The following STAT1 variants were observed in gnomAD, a reference collection of about 807,000 sequenced individuals.
STAT1 encodes the protein signal transducer and activator of transcription 1-alpha/beta.
Under a neutral mutation model 111.7 loss-of-function variants are expected in STAT1, and 24 were observed. The observed-to-expected ratio is 0.21, with a 90% confidence interval of 0.16 to 0.30. The LOEUF (loss-of-function observed/expected upper bound fraction) is 0.30, where lower values mean the gene tolerates loss of function less well. STAT1 is among the 10% of genes least tolerant of loss of function. The pLI, the probability that STAT1 is intolerant of heterozygous loss-of-function variation, is 1.00. For synonymous variants in STAT1, 332 were observed against 326.5 expected (o/e 1.02, Z -0.18); for missense variants, 351 against 911.9 (o/e 0.38, Z 7.92).
In STAT1 at chr2:190,993,313, A is replaced by T; in HGVS notation, c.944+1748T>A. ...TCACATCATACACCACTAGGATGCC[A>T]TTGGCTCCTCTGTAATAACTGGAGA... On this transcript the variant is annotated intron_variant, in intron 10 of 24. Transcript: ENST00000361099. The surrounding 1 kb of genome is among the most constrained non-coding windows in gnomAD (Gnocchi z 4.1). 1 of 726,532 alleles carries T rather than the reference A, an allele frequency of 1.4e-6. No homozygotes were observed. The highest frequency in any genetic ancestry group is 1.7e-5 in the African/African-American group (1 of 57,330). 45.0% of individuals were successfully genotyped at this position (726,532 alleles called of 1,614,324 possible).
In STAT1 at chr2:190,984,542, T is replaced by C; in HGVS notation, c.1264-149A>G. The C allele has an allele frequency of 1.4e-6, 1 of 697,270 alleles. No homozygotes were observed. The highest frequency in any genetic ancestry group is 2.6e-6 in the Non-Finnish European group (1 of 389,704). 43.2% of individuals were successfully genotyped at this position (697,270 alleles called of 1,614,324 possible). Reference sequence around the variant, plus strand: ...GACTCAATATTCAATCTCTCCCAGATTTAATGATTCTTAGTATCTCAGTGT... The same window carrying C: ...GACTCAATATTCAATCTCTCCCAGACTTAATGATTCTTAGTATCTCAGTGT... On this transcript the variant is annotated intron_variant, in intron 15 of 24. Coordinates refer to ENST00000361099, the MANE Select transcript of STAT1 (RefSeq NM_007315.4). The surrounding 1 kb of genome is among the most constrained non-coding windows in gnomAD (Gnocchi z 5.2).
chr2:190,985,863 C>T (rs1692766649), intron 14 of STAT1, among the ~76,000 whole-genome samples: 2 of 152,190 alleles, frequency 1.3e-5, no homozygotes, highest in African/African-American at 4.8e-5. Context: ...GGTGCGGACA[C>T]CAGTCTGGAG....
chr2:190,998,609 C>A lies in STAT1; in HGVS notation c.542-301G>T, dbSNP rs1694021208. On this transcript the variant is annotated intron_variant, in intron 7 of 24. Coordinates refer to ENST00000361099, the MANE Select transcript of STAT1 (RefSeq NM_007315.4). The surrounding 1 kb of genome is among the most constrained non-coding windows in gnomAD (Gnocchi z 4.1). ...CCCGGGAGGCGGAGCTTGGAGTGAG[C>A]CGAGATCTCGCCACTGCACTCTAGC... 6.6e-6 allele frequency among the ~76,000 whole-genome samples: 1 copy of A among 151,424 alleles called. No individual in the cohort carries two copies. The highest frequency in any genetic ancestry group is 1.5e-5 in the Non-Finnish European group (1 of 67,892).
chr2:190,980,659 G>A lies in STAT1; in HGVS notation c.1593C>T (p.Ala531=). 1 of 1,614,200 alleles carries A rather than the reference G, an allele frequency of 6.2e-7. No homozygotes were observed. Among genetic ancestry groups the A allele is most frequent in the Non-Finnish European group, 8.5e-7 (1 of 1,180,036 alleles). ...MLGEKLLGPN[A]SPDGLIPWTR... ...TCCACGGAATGAGACCATCGGGGCT[G>A]GCGTTAGGACCTAAACAAATAAAAA... The change falls in exon 19 of 25, where the codon GCC becomes GCT. Residue 531 remains alanine, a synonymous_variant. Transcript: ENST00000361099. This position sits in a 1 kb window ranked among gnomAD's most constrained non-coding sequence, Gnocchi z 6.1.
chr2:191,007,826 C>G lies in STAT1; in HGVS notation c.274-165G>C, dbSNP rs145998939. 3.0e-3 allele frequency among the ~76,000 whole-genome samples: 451 copies of G among 152,236 alleles called. 2 individuals carry two copies. The highest frequency in any genetic ancestry group is 9.6e-3 in the African/African-American group (398 of 41,528). On this transcript the variant is annotated intron_variant, in intron 4 of 24. Coordinates refer to ENST00000361099, the MANE Select transcript of STAT1 (RefSeq NM_007315.4). This position sits in a 1 kb window ranked among gnomAD's most constrained non-coding sequence, Gnocchi z 4.2. ...TGTTAAAATCAAAATATTTCTTTCA[C>G]GAATTATGACAAAAATTGCTTTAAC...
At position 191,006,225 on chromosome 2, in the gene STAT1, G is replaced by T. The variant is rs187006906; in HGVS notation, c.372+1338C>A. Among the ~76,000 whole-genome samples, 5 of 152,166 alleles carry T rather than the reference G, an allele frequency of 3.3e-5. No homozygotes were observed. Among genetic ancestry groups the T allele is most frequent in the Non-Finnish European group, 5.9e-5 (4 of 68,034 alleles). On this transcript the variant is annotated intron_variant, in intron 5 of 24. Coordinates refer to ENST00000361099, the MANE Select transcript of STAT1 (RefSeq NM_007315.4). This position sits in a 1 kb window ranked among gnomAD's most constrained non-coding sequence, Gnocchi z 4.6. ...GAAGCCCCATATAATCAAAACTGCC[G>T]GCTGAAAATCTCCCAGGTATATGCC...
chr2:191,007,477 T>G lies in STAT1; in HGVS notation c.372+86A>C. The G allele has an allele frequency of 1.0e-6, 1 of 983,450 alleles. No homozygotes were observed. Among genetic ancestry groups the G allele is most frequent in the Non-Finnish European group, 1.6e-6 (1 of 625,740 alleles). The allele number at this position is 983,450 out of a possible 1,614,324, so 60.9% of individuals were successfully genotyped here. A position where few individuals can be genotyped will look rare whatever the true frequency, so the allele number is the denominator to read the frequency against. On this transcript the variant is annotated intron_variant, in intron 5 of 24. Coordinates refer to ENST00000361099, the MANE Select transcript of STAT1 (RefSeq NM_007315.4). The surrounding 1 kb of genome is among the most constrained non-coding windows in gnomAD (Gnocchi z 4.2). ...ATAAAATTAGAGAGATATTCATCAT[T>G]GCTTTGACATGGGCCCTAATAGTAT...
Position 190,974,646 on chromosome 2 carries a change from T to C in STAT1, c.2238+184A>G, listed in dbSNP as rs942224395. Among the ~76,000 whole-genome samples the C allele has an allele frequency of 1.3e-5, 2 of 152,228 alleles. No homozygotes were observed. The highest frequency in any genetic ancestry group is 4.8e-5 in the African/African-American group (2 of 41,458). On this transcript the variant is annotated intron_variant, in intron 24 of 24. Coordinates refer to ENST00000361099, the MANE Select transcript of STAT1 (RefSeq NM_007315.4). The surrounding 1 kb of genome is among the most constrained non-coding windows in gnomAD (Gnocchi z 4.8). ...TGAATGCGAGGAATAAAAATCCCAC[T>C]GATGATGTAGGTGGTTTAAATCCAG...
At chr2:191,001,998 A>T (rs1295317713) in intron 5 of STAT1, among the ~76,000 whole-genome samples, 1 of 152,236 alleles carries the variant, frequency 6.6e-6, no homozygotes, top group East Asian at 1.9e-4. Context: ...TGCCCTATAC[A>T]GCACAGATTC....
Position 190,979,675 on chromosome 2 carries a change from C to A in STAT1, c.1727+97G>T, listed in dbSNP as rs1010683161. 2.0e-6 allele frequency: 2 copies of A among 976,238 alleles called. No individual in the cohort carries two copies. The highest frequency in any genetic ancestry group is 1.6e-5 in the African/African-American group (1 of 62,302). The allele number at this position is 976,238 out of a possible 1,614,324, so 60.5% of individuals were successfully genotyped here. ...TAAATGCGCACTCCTGTGAGATTCA[C>A]ACACGCCTAGTCAAATACTGAAGCT... On this transcript the variant is annotated intron_variant, in intron 20 of 24. Transcript: ENST00000361099. This position sits in a 1 kb window ranked among gnomAD's most constrained non-coding sequence, Gnocchi z 5.8.
rs1022432558 is a variant in STAT1 at position 190,989,805 on chromosome 2, T to A, written c.1038-131A>T. 3.1e-6 allele frequency: 2 copies of A among 655,232 alleles called. No homozygotes were observed. Among genetic ancestry groups the A allele is most frequent in the Non-Finnish European group, 5.4e-6 (2 of 373,438 alleles). 40.6% of individuals were successfully genotyped at this position (655,232 alleles called of 1,614,324 possible). On this transcript the variant is annotated intron_variant, in intron 11 of 24. Transcript: ENST00000361099. The surrounding 1 kb of genome is among the most constrained non-coding windows in gnomAD (Gnocchi z 5.0). ...TTTAGGGTATTACCAACAAAAAAAC[T>A]GACAGTTTTGTAGATCTACTTAAAT...
At chr2:190,985,155 T>C (rs1321063636) in intron 15 of STAT1, among the ~76,000 whole-genome samples, 1 of 152,218 alleles carries the variant, frequency 6.6e-6, no homozygotes, top group Non-Finnish European at 1.5e-5. Flanking sequence ...ACCCAACTCC[T>C]TAAGGATCAC....
At chr2:191,005,521 G>A (rs1342241140) in intron 5 of STAT1, among the ~76,000 whole-genome samples, 4 of 152,134 alleles carry the variant, frequency 2.6e-5, no homozygotes, top group Non-Finnish European at 2.9e-5. Flanking sequence ...TGCCCATAGC[G>A]TTCAGTACAA....
In STAT1 at chr2:190,982,457, C is replaced by T. The variant is rs1185249247; in HGVS notation, c.1508G>A (p.Ser503Asn). The T allele has an allele frequency of 1.2e-6, 2 of 1,614,118 alleles. No homozygotes were observed. Among genetic ancestry groups the T allele is most frequent in the Non-Finnish European group, 1.7e-6 (2 of 1,180,058 alleles). Residue 503 changes from serine to asparagine, a missense_variant, in exon 18 of 25, where the codon AGT becomes AAT. Around this residue, in one of 7 missense-constraint regions of STAT1, gnomAD observed 181 missense variants for 426.1 expected, o/e 0.42. Transcript: ENST00000361099. This position sits in a 1 kb window ranked among gnomAD's most constrained non-coding sequence, Gnocchi z 7.3. ...TTTGGTGACAGAAGAAAACTGCCAA[C>T]TCAGCACTTCTGAAAGCTGAGCCCA... ...ARWAQLSEVLSWQFSSVTKRG... is the reference protein window; with the variant it reads ...ARWAQLSEVLNWQFSSVTKRG...
chr2:190,976,011 A>C lies in STAT1; in HGVS notation c.2060-124T>G. On this transcript the variant is annotated intron_variant, in intron 22 of 24. Transcript: ENST00000361099. This position sits in a 1 kb window ranked among gnomAD's most constrained non-coding sequence, Gnocchi z 6.0. Reference sequence around the variant, plus strand: ...GACAGCTTAGCCTCCTAAAACTTTAAGGAGCTATAACCTCCCTGCCTGAGT... The same window carrying C: ...GACAGCTTAGCCTCCTAAAACTTTACGGAGCTATAACCTCCCTGCCTGAGT... 7.0e-6 allele frequency: 6 copies of C among 856,034 alleles called. No individual in the cohort carries two copies. Among genetic ancestry groups the C allele is most frequent in the Non-Finnish European group, 1.2e-5 (6 of 519,494 alleles). The allele number at this position is 856,034 out of a possible 1,614,324, so 53.0% of individuals were successfully genotyped here. A position where few individuals can be genotyped will look rare whatever the true frequency, so the allele number is the denominator to read the frequency against.
At position 190,989,580 on chromosome 2, in the gene STAT1, T is replaced by TACATGTATGTTATATATGTATATATA. The variant is rs777552339; in HGVS notation, c.1097+34_1097+35insTATATATACATATATAACATACATGT. 8.0e-7 allele frequency: 1 copy of TACATGTATGTTATATATGTATATATA among 1,244,588 alleles called. No individual in the cohort carries two copies. Among genetic ancestry groups the TACATGTATGTTATATATGTATATATA allele is most frequent in the African/African-American group, 1.5e-5 (1 of 66,296 alleles). 77.1% of individuals were successfully genotyped at this position (1,244,588 alleles called of 1,614,324 possible). A position where few individuals can be genotyped will look rare whatever the true frequency, so the allele number is the denominator to read the frequency against. On this transcript the variant is annotated intron_variant, in intron 12 of 24. Transcript: ENST00000361099. The surrounding 1 kb of genome is among the most constrained non-coding windows in gnomAD (Gnocchi z 5.0). ...AGTAACAAAATCAACATTTCAATAG[T>TACATGTATGTTATATATGTATATATA]ACATGTATGTTATATAATGTTAAAG...
Position 190,970,763 on chromosome 2 carries a change from GA to G in STAT1, c.2239-47del, listed in dbSNP as rs1691392398. 6.4e-7 allele frequency: 1 copy of G among 1,563,368 alleles called. No individual in the cohort carries two copies. Among genetic ancestry groups the G allele is most frequent in the African/African-American group, 1.4e-5 (1 of 73,764 alleles). ...GTTAAGTTTATTACACTGATCTTGTGAAATGCAGACTCATACATTAAACATT... is the reference window on the plus strand; with the variant it reads ...GTTAAGTTTATTACACTGATCTTGTGAATGCAGACTCATACATTAAACATT... On this transcript the variant is annotated intron_variant, in intron 24 of 24. Coordinates refer to ENST00000361099, the MANE Select transcript of STAT1 (RefSeq NM_007315.4). This position sits in a 1 kb window ranked among gnomAD's most constrained non-coding sequence, Gnocchi z 5.4.
rs1692512972 is a variant in STAT1, at chr2:190,983,111, C to T, written c.1446+531G>A. On this transcript the variant is annotated intron_variant, in intron 17 of 24. Coordinates refer to ENST00000361099, the MANE Select transcript of STAT1 (RefSeq NM_007315.4). This position sits in a 1 kb window ranked among gnomAD's most constrained non-coding sequence, Gnocchi z 5.7. ...AGCTATAGGTGTAATGTTAATGCCT[C>T]AACAAGTGTATTAGATAAGGTGTCT... is the stretch of plus-strand genomic sequence containing the variant. 6.6e-6 allele frequency among the ~76,000 whole-genome samples: 1 copy of T among 152,144 alleles called. No individual in the cohort carries two copies. Among genetic ancestry groups the T allele is most frequent in the African/African-American group, 2.4e-5 (1 of 41,420 alleles).
rs41504449 is a variant in STAT1, at chr2:191,001,187, T to C, written c.373-24A>G. Reference sequence around the variant, plus strand: ...GCCTGTAATGGGAAGGGCATGATTATAGCCATCGTTTTCTTCAGGGTGTGT... The same window carrying C: ...GCCTGTAATGGGAAGGGCATGATTACAGCCATCGTTTTCTTCAGGGTGTGT... On this transcript the variant is annotated intron_variant, in intron 5 of 24. Coordinates refer to ENST00000361099, the MANE Select transcript of STAT1 (RefSeq NM_007315.4). 1,003 of 1,587,498 alleles carry C rather than the reference T, an allele frequency of 6.3e-4. 9 individuals carry two copies. In the African/African-American group the frequency reaches 0.012, roughly 18 times the overall value.
Sources: allele counts gnomAD v4.1 joint callset (sites outside exome capture counted in the v4.1 genomes callset), GRCh38; gene constraint gnomAD v4.1.1; regional missense constraint gnomAD v4.1.1; non-coding constraint Gnocchi (gnomAD v3.1); transcripts MANE v1.5; gene names NCBI Gene and HGNC (gene_info 2026-07-23, HGNC 2026-07-21).